TEAD1: variants seen among roughly 807,000 people sequenced by gnomAD.
TEAD1 encodes the protein transcriptional enhancer factor TEF-1.
Under a neutral mutation model 54.9 loss-of-function variants are expected in TEAD1, and 9 were observed. The ratio of observed to expected loss-of-function variants is 0.16; its 90% CI spans 0.10 to 0.29. The LOEUF (loss-of-function observed/expected upper bound fraction) is 0.29. TEAD1 is among the 10% of genes least tolerant of loss of function. The pLI is 1.00. For synonymous variants in TEAD1, 200 were observed against 187.8 expected, an observed-to-expected ratio of 1.07 and a Z score of -0.53; for missense variants, 387 against 535.9, an observed-to-expected ratio of 0.72 and a Z score of 2.74.
At chr11:12,803,529 A>G (rs1946106061) in intron 3 of TEAD1, among the ~76,000 whole-genome samples, 1 of 152,206 alleles carries the variant, frequency 6.6e-6, no homozygotes, top group Non-Finnish European at 1.5e-5. Flanking sequence ...GCTTTCATGG[A>G]CTGAGTGCAG....
intron 2 of TEAD1, among the ~76,000 whole-genome samples, chr11:12,680,373 GAGAGCCCGCGGA>G (rs1943192900): frequency 1.3e-5 from 2 of 152,218 alleles, no homozygotes; most frequent in South Asian, 4.1e-4. Flanking sequence ...CTGAGATGCG[GAGAGCCCGCGGA>G]AACCAAATGA....
intron 3 of TEAD1, among the ~76,000 whole-genome samples, chr11:12,859,959 A>T (rs1947466271): frequency 6.6e-6 from 1 of 152,166 alleles, no homozygotes; most frequent in South Asian, 2.1e-4. Flanking sequence ...AGTATTTAGG[A>T]TGAGAGAGGT....
At chr11:12,908,538 G>T (rs1249800642) in intron 10 of TEAD1, among the ~76,000 whole-genome samples, 3 of 152,088 alleles carry the variant, frequency 2.0e-5, no homozygotes, top group Non-Finnish European at 4.4e-5. Context: ...CTCTGTGGCC[G>T]CACCTGACTG....
chr11:12,719,724 AG>A (rs1944143594), intron 2 of TEAD1, among the ~76,000 whole-genome samples: 1 of 151,986 alleles, frequency 6.6e-6, no homozygotes. Context: ...GACATGGGGT[AG>A]GGGTATTAGG....
intron 2 of TEAD1, among the ~76,000 whole-genome samples, chr11:12,751,645 T>A (rs1289244987): frequency 1.3e-5 from 2 of 152,226 alleles, no homozygotes; most frequent in African/African-American, 4.8e-5. Flanking sequence ...TAAATGCTTT[T>A]ACCACATTAA....
At chr11:12,843,185 G>A (rs1447287906) in intron 3 of TEAD1, among the ~76,000 whole-genome samples, 1 of 152,068 alleles carries the variant, frequency 6.6e-6, no homozygotes, top group Non-Finnish European at 1.5e-5. Flanking sequence ...GTCTTGGGAG[G>A]GTGCACATAG....
intron 3 of TEAD1, among the ~76,000 whole-genome samples, chr11:12,804,786 T>C (rs1347799757): frequency 6.6e-6 from 1 of 152,158 alleles, no homozygotes; most frequent in African/African-American, 2.4e-5. Context: ...GATGCAAAGG[T>C]GGACAAAAGA....
intron 10 of TEAD1, among the ~76,000 whole-genome samples, chr11:12,903,945 TA>T (rs1257344204): frequency 6.6e-6 from 1 of 152,226 alleles, no homozygotes; most frequent in Non-Finnish European, 1.5e-5. Context: ...GGCTGCCTTC[TA>T]GTAATTTGGA....
intron 3 of TEAD1, among the ~76,000 whole-genome samples, chr11:12,859,006 A>G (rs1947446687): frequency 6.6e-6 from 1 of 152,234 alleles, no homozygotes; most frequent in Non-Finnish European, 1.5e-5. Flanking sequence ...CTAAACATAG[A>G]AAAGACAGTA....
intron 3 of TEAD1, among the ~76,000 whole-genome samples, chr11:12,852,636 C>T (rs1055057275): frequency 2.0e-5 from 3 of 151,904 alleles, no homozygotes; most frequent in African/African-American, 2.4e-5. Flanking sequence ...TTAGTAGAGA[C>T]GGGGTTTCAC....
intron 3 of TEAD1, among the ~76,000 whole-genome samples, chr11:12,787,467 T>C (rs1203367490): frequency 1.3e-5 from 2 of 152,214 alleles, no homozygotes; most frequent in Non-Finnish European, 2.9e-5. Flanking sequence ...CCTGGAGCTT[T>C]AGAGCCTTCT....
intron 2 of TEAD1, among the ~76,000 whole-genome samples, chr11:12,759,762 T>G (rs916113772): frequency 2.4e-4 from 37 of 152,190 alleles, no homozygotes; most frequent in Admixed American, 1.3e-4. Flanking sequence ...CTTGGAAGGC[T>G]GAGGCAGGAG....
At chr11:12,926,434 A>G (rs538186989) in intron 11 of TEAD1, among the ~76,000 whole-genome samples, 1 of 152,304 alleles carries the variant, frequency 6.6e-6, no homozygotes, top group South Asian at 2.1e-4. Flanking sequence ...GATGTTTTGA[A>G]TGGAACTTAG....
rs1424285694 is a variant in TEAD1 at position 12,837,184 on chromosome 11, GTATAATTGGTTA to G, written c.203-25065_203-25054del. On this transcript the variant is annotated intron_variant, in intron 3 of 12. Coordinates refer to ENST00000527636, the MANE Select transcript of TEAD1 (RefSeq NM_021961.6). ...AAATCTGTTGAGAGTAAAAGGGACG[GTATAATTGGTTA>G]CCCTCTTCCTTTCTTGCCCACTTAG... Among the ~76,000 whole-genome samples the G allele has an allele frequency of 4.6e-5, 7 of 152,198 alleles. No homozygotes were observed. In the East Asian group the frequency reaches 1.3e-3, roughly 29 times the overall value.
At chr11:12,840,997 T>C (rs1254008013) in intron 3 of TEAD1, among the ~76,000 whole-genome samples, 1 of 152,232 alleles carries the variant, frequency 6.6e-6, no homozygotes, top group Non-Finnish European at 1.5e-5. Flanking sequence ...CAGTTGTAGC[T>C]GTCAGGAATT....
At position 12,940,950 on chromosome 11, in the gene TEAD1, C is replaced by T. The variant is rs1258575611; in HGVS notation, c.*3728C>T. ...TCTTGAGCTGAAAGCACAGTCTACT[C>T]TCCTTCGTTTTGTCGATGAGAAAGT... On this transcript the variant is annotated 3_prime_UTR_variant, in exon 13 of 13. Coordinates refer to ENST00000527636, the MANE Select transcript of TEAD1 (RefSeq NM_021961.6). 1 of 152,226 alleles carries T rather than the reference C, an allele frequency of 6.6e-6. No homozygotes were observed. The highest frequency in any genetic ancestry group is 1.5e-5 in the Non-Finnish European group (1 of 68,070). The allele number at this position is 152,226 out of a possible 1,614,324, so 9.4% of individuals were successfully genotyped here.
chr11:12,931,351 T>C (rs1446251996), intron 12 of TEAD1, among the ~76,000 whole-genome samples: 3 of 152,136 alleles, frequency 2.0e-5, no homozygotes, highest in Non-Finnish European at 4.4e-5. Context: ...AAAAGTAACA[T>C]TACTTGATTA....
chr11:12,879,970 T>C, intron 6 of TEAD1, 128 bp downstream of exon 6: 1 of 1,385,742 alleles, frequency 7.2e-7, no homozygotes, highest in Non-Finnish European at 1.0e-6. Context: ...GGCTACCTTG[T>C]CAACTGATAA....
intron 3 of TEAD1, among the ~76,000 whole-genome samples, chr11:12,861,462 C>T (rs570355476): frequency 1.3e-5 from 2 of 152,182 alleles, no homozygotes; most frequent in South Asian, 2.1e-4. Flanking sequence ...GTCCGGCTTC[C>T]GTGGCCACAG....
Sources: gnomAD v4.1 joint callset for allele counts (sites outside exome capture counted in the v4.1 genomes callset) on GRCh38, gnomAD v4.1.1 for gene constraint, MANE v1.5 for transcripts, NCBI Gene and HGNC (gene_info 2026-07-23, HGNC 2026-07-21) for gene names.